The following PCDHGA4 variants were observed in gnomAD, a reference collection of about 807,000 sequenced individuals.
PCDHGA4 encodes the protein protocadherin gamma subfamily A, 4.
PCDHGA4 carries 38 observed loss-of-function variants against 54.6 expected under a neutral mutation model. That is an observed-to-expected ratio of 0.70 (90% CI 0.54 to 0.91). The LOEUF is 0.91. Among genes scored for constraint, PCDHGA4 ranks in the 40% least tolerant of loss-of-function variants. The pLI is 0.00. For synonymous variants in PCDHGA4, 511 were observed against 512.9 expected (o/e 1.00, Z 0.05); for missense variants, 1,298 against 1,220.9 (o/e 1.06, Z -0.94).
At position 141,491,303 on chromosome 5, in the gene PCDHGA4, C is replaced by T; in HGVS notation, c.2515-3504C>T. On this transcript the variant is annotated intron_variant, in intron 1 of 3. Coordinates refer to ENST00000571252, the MANE Select transcript of PCDHGA4 (RefSeq NM_018917.4). This position sits in a 1 kb window ranked among gnomAD's most constrained non-coding sequence, Gnocchi z 6.9. ...TTCCTCATACACCCTCCTGAGCGTT[C>T]AGACCTTACCCTTTACCTCATTGTG... 6.2e-7 allele frequency: 1 copy of T among 1,614,132 alleles called. No homozygotes were observed. The highest frequency in any genetic ancestry group is 8.5e-7 in the Non-Finnish European group (1 of 1,179,962).
At chr5:141,360,274 G>T (rs1171208146) in intron 1 of PCDHGA4, 9 of 1,613,806 alleles carry the variant, frequency 5.6e-6, no homozygotes, top group Non-Finnish European at 5.9e-6. Context: ...AAACTCGGTC[G>T]TAGGAAACCT....
Position 141,511,178 on chromosome 5 carries a change from G to A in PCDHGA4, c.*5G>A. The A allele has an allele frequency of 6.2e-7, 1 of 1,614,090 alleles. No homozygotes were observed. Among genetic ancestry groups the A allele is most frequent in the South Asian group, 1.1e-5 (1 of 91,074 alleles). On this transcript the variant is annotated 3_prime_UTR_variant, in exon 4 of 4. Coordinates refer to ENST00000571252, the MANE Select transcript of PCDHGA4 (RefSeq NM_018917.4). ...GGCAAGAAGGAGAAGAAGTAACATG[G>A]AGGCCAGGCCAAGAGCCACAGGGCG...
intron 1 of PCDHGA4, chr5:141,421,154 G>A: frequency 8.7e-7 from 1 of 1,151,318 alleles, no homozygotes; most frequent in South Asian, 1.6e-5. Flanking sequence ...GTCGGCCTAG[G>A]ACTTCATAGA....
Position 141,431,423 on chromosome 5 carries a change from C to A in PCDHGA4, c.2515-63384C>A, listed in dbSNP as rs868299769. 20 of 1,613,552 alleles carry A rather than the reference C, an allele frequency of 1.2e-5. No individual in the cohort carries two copies. In the Admixed American group the frequency reaches 2.2e-4, roughly 17 times the overall value. ...GGCCTCCGACGGGGGCGACCCGGTG[C>A]GCACAGGCACCGCGCGCATCCGCGT... On this transcript the variant is annotated intron_variant, in intron 1 of 3. Coordinates refer to ENST00000571252, the MANE Select transcript of PCDHGA4 (RefSeq NM_018917.4). The surrounding 1 kb of genome is among the most constrained non-coding windows in gnomAD (Gnocchi z 4.8).
chr5:141,476,416 A>C lies in PCDHGA4; in HGVS notation c.2515-18391A>C, dbSNP rs2099391138. On this transcript the variant is annotated intron_variant, in intron 1 of 3. Coordinates refer to ENST00000571252, the MANE Select transcript of PCDHGA4 (RefSeq NM_018917.4). The surrounding 1 kb of genome is among the most constrained non-coding windows in gnomAD (Gnocchi z 7.6). ...TGGATCGAGAGGAGCTGTGTGGGACACTGCCCTCTTGCACTGTAACTCTGG... is the reference window on the plus strand; with the variant it reads ...TGGATCGAGAGGAGCTGTGTGGGACCCTGCCCTCTTGCACTGTAACTCTGG... 6.2e-7 allele frequency: 1 copy of C among 1,614,056 alleles called. No homozygotes were observed. The highest frequency in any genetic ancestry group is 8.5e-7 in the Non-Finnish European group (1 of 1,179,994).
At chr5:141,482,943 G>T (rs2099574928) in intron 1 of PCDHGA4, among the ~76,000 whole-genome samples, 1 of 152,086 alleles carries the variant, frequency 6.6e-6, no homozygotes, top group Non-Finnish European at 1.5e-5. Context: ...TGTGGTTGTG[G>T]GTGCCTGTAA....
Position 141,375,862 on chromosome 5 carries a change from G to T in PCDHGA4, c.2514+18241G>T, listed in dbSNP as rs759161440. 4.3e-6 allele frequency: 7 copies of T among 1,613,976 alleles called. No individual in the cohort carries two copies. The South Asian group carries it at 7.7e-5, about 18-fold the overall frequency. On this transcript the variant is annotated intron_variant, in intron 1 of 3. Coordinates refer to ENST00000571252, the MANE Select transcript of PCDHGA4 (RefSeq NM_018917.4). Reference sequence around the variant, plus strand: ...GCTACCTGGTGACCAAGGTGGTGGCGGTGGACAGAGACTCGGGCCAGAACG... The same window carrying T: ...GCTACCTGGTGACCAAGGTGGTGGCTGTGGACAGAGACTCGGGCCAGAACG...
intron 1 of PCDHGA4, chr5:141,374,799 C>T (rs1177554784): frequency 3.1e-6 from 5 of 1,613,978 alleles, no homozygotes; most frequent in African/African-American, 2.7e-5. Flanking sequence ...AATGACAACA[C>T]TCCAATGTTT....
At chr5:141,366,010 T>A in intron 1 of PCDHGA4, 1 of 1,614,232 alleles carries the variant, frequency 6.2e-7, no homozygotes, top group South Asian at 1.1e-5. Context: ...ACAATACGCC[T>A]GAGATCCTGT....
At chr5:141,419,585 G>C (rs2096403161) in intron 1 of PCDHGA4, 8 of 1,611,776 alleles carry the variant, frequency 5.0e-6, no homozygotes, top group Non-Finnish European at 6.8e-6. Flanking sequence ...CGCGCTCTTC[G>C]ACACAGTGCC....
chr5:141,466,115 C>A (rs2099117208), intron 1 of PCDHGA4, among the ~76,000 whole-genome samples: 1 of 151,618 alleles, frequency 6.6e-6, no homozygotes, highest in African/African-American at 2.4e-5. Context: ...GAGTGAGACT[C>A]CAGCTCAAAA....
intron 1 of PCDHGA4, chr5:141,414,589 G>T: frequency 1.2e-6 from 2 of 1,613,834 alleles, no homozygotes; most frequent in African/African-American, 2.7e-5. Flanking sequence ...CAACGCCAGG[G>T]GTGCCTCCAT....
At chr5:141,388,793 T>A (rs1441605740) in intron 1 of PCDHGA4, 2 of 1,613,918 alleles carry the variant, frequency 1.2e-6, no homozygotes, top group Admixed American at 3.3e-5. Flanking sequence ...CTGTTTTAAA[T>A]ACATTAGATT....
intron 1 of PCDHGA4, chr5:141,364,263 G>A (rs997057589): frequency 4.0e-6 from 6 of 1,505,766 alleles, no homozygotes; most frequent in Admixed American, 4.7e-5. Flanking sequence ...TGTACCCATC[G>A]GCTTTAGATA....
chr5:141,422,304 A>C (rs1265775894), intron 1 of PCDHGA4: 2 of 1,548,406 alleles, frequency 1.3e-6, no homozygotes. Context: ...CAATTCTGGA[A>C]AACTCTCCTC....
chr5:141,509,086 A>T lies in PCDHGA4; in HGVS notation c.2663-1861A>T, dbSNP rs147084289. On this transcript the variant is annotated intron_variant, in intron 3 of 3. Coordinates refer to ENST00000571252, the MANE Select transcript of PCDHGA4 (RefSeq NM_018917.4). ...CAGCTCCGGGGATTTGCGACATGAAATGGGGGCTGTAGAAACCTGAGCGCT... is the reference window on the plus strand; with the variant it reads ...CAGCTCCGGGGATTTGCGACATGAATTGGGGGCTGTAGAAACCTGAGCGCT... 8.3e-3 allele frequency among the ~76,000 whole-genome samples: 1,261 copies of T among 152,228 alleles called. 7 individuals are homozygous for T. Among genetic ancestry groups the T allele is most frequent in the Middle Eastern group, 0.037 (11 of 294 alleles).
intron 1 of PCDHGA4, chr5:141,416,320 A>G (rs1482631457): frequency 1.3e-5 from 2 of 152,208 alleles, no homozygotes; most frequent in East Asian, 1.9e-4. Flanking sequence ...TAGCATTTTA[A>G]TTTAACTTTC....
chr5:141,494,764 T>A (rs773955144), intron 1 of PCDHGA4, 43 bp from the exon 2 acceptor site: 1 of 1,613,932 alleles, frequency 6.2e-7, no homozygotes, highest in Non-Finnish European at 8.5e-7. Context: ...ACATTCTAAC[T>A]TCTCACGGGT....
rs979645454 is a variant in PCDHGA4 at position 141,364,198 on chromosome 5, C to T, written c.2514+6577C>T. 3.6e-6 allele frequency: 4 copies of T among 1,108,464 alleles called. No individual in the cohort carries two copies. In the African/African-American group the frequency reaches 4.8e-5, roughly 13 times the overall value. 68.7% of individuals were successfully genotyped at this position (1,108,464 alleles called of 1,614,324 possible). ...GCTCCCTCCATACTAAACACACAGACCAGACAAGCTCCTACGAAAAGCCAA... is the reference window on the plus strand; with the variant it reads ...GCTCCCTCCATACTAAACACACAGATCAGACAAGCTCCTACGAAAAGCCAA... On this transcript the variant is annotated intron_variant, in intron 1 of 3. Transcript: ENST00000571252.
Sources: allele counts gnomAD v4.1 joint callset (sites outside exome capture counted in the v4.1 genomes callset), GRCh38; gene constraint gnomAD v4.1.1; non-coding constraint Gnocchi (gnomAD v3.1); transcripts MANE v1.5; gene names NCBI Gene and HGNC (gene_info 2026-07-23, HGNC 2026-07-21).